Variants in CFAP58 observed in about 807,000 individuals in gnomAD.
CFAP58 encodes the protein cilia and flagella associated protein 58, also known as cilia- and flagella-associated protein 58.
A neutral mutation model predicts 119.5 loss-of-function variants in CFAP58; 88 were observed. The observed-to-expected ratio is 0.74, with a 90% CI of 0.62 to 0.88. CFAP58 has a LOEUF of 0.88. CFAP58 is among the 40% of genes least tolerant of loss of function. CFAP58 has a pLI of 0.00. For missense variants in CFAP58, 990 were observed against 1,021.2 expected (o/e 0.97, Z 0.42); for synonymous variants, 365 against 366.3 (o/e 1.00, Z 0.04).
intron 15 of CFAP58, among the ~76,000 whole-genome samples, chr10:104,422,323 A>G (rs1419761761): frequency 1.3e-5 from 2 of 152,234 alleles, no homozygotes; most frequent in Non-Finnish European, 2.9e-5. Flanking sequence ...CCATTCTTAG[A>G]GCAGTCTCTC....
chr10:104,351,069 C>T (rs954657817), upstream of CFAP58, among the ~76,000 whole-genome samples: 6 of 152,188 alleles, frequency 3.9e-5, no homozygotes, highest in Non-Finnish European at 8.8e-5. Flanking sequence ...AACCGATGGT[C>T]CCAATGTGTA....
chr10:104,428,902 G>A (rs2012797763), intron 15 of CFAP58, among the ~76,000 whole-genome samples: 1 of 152,200 alleles, frequency 6.6e-6, no homozygotes, highest in Non-Finnish European at 1.5e-5. Context: ...TATGTTGGAG[G>A]TGAGACTGGG....
chr10:104,408,181 C>T (rs2012396398), intron 15 of CFAP58, among the ~76,000 whole-genome samples: 1 of 152,180 alleles, frequency 6.6e-6, no homozygotes, highest in Non-Finnish European at 1.5e-5. Flanking sequence ...AGGGATTTTC[C>T]TCTTCTCTTG....
chr10:104,361,883 T>C (rs2014671128), intron 2 of CFAP58, 140 bp from the exon 3 acceptor site: 3 of 756,602 alleles, frequency 4.0e-6, no homozygotes, highest in Non-Finnish European at 6.3e-6. Flanking sequence ...TATTCACTAT[T>C]GACTAGCTCA....
chr10:104,420,362 A>G (rs1005751638), intron 15 of CFAP58, among the ~76,000 whole-genome samples: 1 of 152,218 alleles, frequency 6.6e-6, no homozygotes, highest in East Asian at 1.9e-4. Context: ...GATTAGGCAG[A>G]TAGAGTTTAA....
chr10:104,400,348 T>C (rs747459132), intron 12 of CFAP58, among the ~76,000 whole-genome samples: 5 of 152,158 alleles, frequency 3.3e-5, no homozygotes, highest in Non-Finnish European at 2.9e-5. Flanking sequence ...GGTTTCATCA[T>C]GTTGGCCAGG....
At chr10:104,402,862 T>G (rs889185297) in intron 13 of CFAP58, among the ~76,000 whole-genome samples, 53 of 152,206 alleles carry the variant, frequency 3.5e-4, no homozygotes, top group Non-Finnish European at 2.6e-4. Context: ...AGAAGAGGTA[T>G]TTTTCAAAGC....
chr10:104,400,743 C>T lies in CFAP58; in HGVS notation c.1879C>T (p.Leu627Phe), dbSNP rs145025614. 3.1e-6 allele frequency: 5 copies of T among 1,614,088 alleles called. No homozygotes were observed. The highest frequency in any genetic ancestry group is 2.5e-6 in the Non-Finnish European group (3 of 1,180,018). Residue 627 changes from leucine to phenylalanine, a missense_variant, in exon 13 of 18, where the codon CTC (leucine) becomes TTC (phenylalanine). Coordinates refer to ENST00000369704, the MANE Select transcript of CFAP58 (RefSeq NM_001008723.2). Reference sequence around the variant, plus strand: ...TCGGCGCAATGATGAGTTAGCTTTGCTCTATGAGAAGATCAAGATCCAACA... The same window carrying T: ...TCGGCGCAATGATGAGTTAGCTTTGTTCTATGAGAAGATCAAGATCCAACA... The part of the protein sequence containing the change: ...LVRRNDELAL[L>F]YEKIKIQQSV...
At chr10:104,364,430 A>ACG (rs1491044084) in intron 3 of CFAP58, among the ~76,000 whole-genome samples, 1 of 16,080 alleles carries the variant, frequency 6.2e-5, no homozygotes, top group Non-Finnish European at 1.9e-4. Context: ...TCTGTAAAAC[A>ACG]CACACACACA....
the CFAP58 span, among the ~76,000 whole-genome samples, chr10:104,343,675 A>C: frequency 2.6e-5 from 4 of 152,108 alleles, no homozygotes; most frequent in Admixed American, 2.6e-4. Flanking sequence ...TACTCTTCCT[A>C]TGTTAACCTC....
chr10:104,374,566 C>A (rs2014866036), intron 7 of CFAP58, among the ~76,000 whole-genome samples: 1 of 148,408 alleles, frequency 6.7e-6, no homozygotes, highest in Non-Finnish European at 1.5e-5. Flanking sequence ...AATAAATGGT[C>A]ATTAAACATG....
intron 13 of CFAP58, 132 bp downstream of exon 13, chr10:104,401,035 A>T (rs1589922801): frequency 3.1e-6 from 2 of 640,840 alleles, no homozygotes; most frequent in Non-Finnish European, 5.4e-6. Context: ...ACAGGATGAA[A>T]TTATTAACAA....
chr10:104,349,495 C>G (rs115132613), upstream of CFAP58, among the ~76,000 whole-genome samples: 1,102 of 152,242 alleles, frequency 7.2e-3, 16 homozygotes, highest in African/African-American at 0.024. Flanking sequence ...GTCTGATCGG[C>G]CTTATTTTAA....
At chr10:104,360,911 A>G (rs942499446) in intron 2 of CFAP58, among the ~76,000 whole-genome samples, 1 of 152,082 alleles carries the variant, frequency 6.6e-6, no homozygotes, top group Non-Finnish European at 1.5e-5. Flanking sequence ...TGTCTTTGCT[A>G]TTGTCAATAG....
In CFAP58 at chr10:104,364,879, C is replaced by G; in HGVS notation, c.587C>G (p.Ala196Gly). ...TERSKEEAEH[A>G]ISQFQQEIQQ... The stretch of plus-strand genomic sequence containing the variant: ...CGATCAAAAGAGGAGGCTGAACATG[C>G]CATCAGTCAGGTCTGCCATGGAGGG... Residue 196 changes from alanine to glycine, a missense_variant, in exon 4 of 18, where the codon GCC (alanine) becomes GGC (glycine). Ala to Gly is a moderately conservative substitution (Grantham distance 60). Coordinates refer to ENST00000369704, the MANE Select transcript of CFAP58 (RefSeq NM_001008723.2). 4.3e-6 allele frequency: 7 copies of G among 1,611,508 alleles called. No individual in the cohort carries two copies. The highest frequency in any genetic ancestry group is 5.9e-6 in the Non-Finnish European group (7 of 1,178,904).
At chr10:104,430,296 A>G (rs2012823693) in intron 15 of CFAP58, among the ~76,000 whole-genome samples, 1 of 152,218 alleles carries the variant, frequency 6.6e-6, no homozygotes, top group Non-Finnish European at 1.5e-5. Flanking sequence ...TTTCCAGTCA[A>G]GAGTAGACAG....
chr10:104,367,097 A>C (rs894593698), intron 5 of CFAP58, among the ~76,000 whole-genome samples: 10 of 152,030 alleles, frequency 6.6e-5, no homozygotes, highest in Admixed American at 2.0e-4. Context: ...GACCTCAAGT[A>C]ATCCAACTGT....
At chr10:104,341,041 T>C in the CFAP58 span, among the ~76,000 whole-genome samples, 1 of 152,154 alleles carries the variant, frequency 6.6e-6, no homozygotes, top group South Asian at 2.1e-4. Flanking sequence ...GCTCCCAATT[T>C]ATACTACCCA....
chr10:104,373,821 T>A (rs150803749), intron 7 of CFAP58, among the ~76,000 whole-genome samples: 395 of 152,298 alleles, frequency 2.6e-3, no homozygotes, highest in Middle Eastern at 0.02. Context: ...TGTTTAAATG[T>A]ATTATAAAGC....
Sources: allele counts gnomAD v4.1 joint callset (sites outside exome capture counted in the v4.1 genomes callset), GRCh38; gene constraint gnomAD v4.1.1; transcripts MANE v1.5; gene names NCBI Gene and HGNC (gene_info 2026-07-23, HGNC 2026-07-21).